MAP6: variants seen among roughly 807,000 people sequenced by gnomAD.
MAP6 encodes microtubule-associated protein 6.
A neutral mutation model predicts 42.4 loss-of-function variants in MAP6; 26 were observed. The ratio of observed to expected loss-of-function variants is 0.61; its 90% confidence interval spans 0.45 to 0.85. MAP6 has a LOEUF of 0.85. Ranked by LOEUF, MAP6 falls within the 40% of genes least tolerant of loss-of-function variation. The pLI is 0.00. For synonymous variants in MAP6, 418 were observed against 443.8 expected (o/e 0.94, Z 0.73); for missense variants, 966 against 1,099.0 (o/e 0.88, Z 1.71).
At chr11:75,646,564 G>T (rs1182854918) in intron 1 of MAP6, among the ~76,000 whole-genome samples, 1 of 151,340 alleles carries the variant, frequency 6.6e-6, no homozygotes, top group Admixed American at 6.6e-5. Context: ...CAGCACTCTG[G>T]GAGGCCGAGG....
intron 1 of MAP6, among the ~76,000 whole-genome samples, chr11:75,628,721 A>T (rs923937285): frequency 5.9e-5 from 9 of 152,250 alleles, no homozygotes; most frequent in African/African-American, 2.2e-4. Context: ...TGTACAAGTT[A>T]TGAGACCCAT....
At chr11:75,599,856 C>T (rs1385384726) in intron 3 of MAP6, among the ~76,000 whole-genome samples, 1 of 152,234 alleles carries the variant, frequency 6.6e-6, no homozygotes, top group Non-Finnish European at 1.5e-5. Flanking sequence ...GGTGTCCCCT[C>T]CTCTTTGAGC....
At chr11:75,650,746 C>G (rs184612616) in intron 1 of MAP6, among the ~76,000 whole-genome samples, 1 of 152,160 alleles carries the variant, frequency 6.6e-6, no homozygotes, top group Non-Finnish European at 1.5e-5. Flanking sequence ...CTTGAAATAA[C>G]TTTACCAAGG....
At chr11:75,600,237 G>A (rs1942643103) in intron 3 of MAP6, among the ~76,000 whole-genome samples, 1 of 152,038 alleles carries the variant, frequency 6.6e-6, no homozygotes, top group Non-Finnish European at 1.5e-5. Context: ...TCTGAGGGGG[G>A]GTATTAGTGT....
chr11:75,610,853 G>A (rs888725270), intron 1 of MAP6, among the ~76,000 whole-genome samples: 7 of 152,082 alleles, frequency 4.6e-5, no homozygotes, highest in African/African-American at 1.7e-4. Flanking sequence ...TGGCTGGGGG[G>A]CGGTAGTCCC....
At chr11:75,635,395 C>A (rs1943352332) in intron 1 of MAP6, among the ~76,000 whole-genome samples, 1 of 152,210 alleles carries the variant, frequency 6.6e-6, no homozygotes, top group African/African-American at 2.4e-5. Context: ...CTGGTGCTTA[C>A]AAAGTGTTCG....
intron 1 of MAP6, among the ~76,000 whole-genome samples, chr11:75,659,864 C>G (rs757592488): frequency 6.6e-6 from 1 of 152,206 alleles, no homozygotes; most frequent in Non-Finnish European, 1.5e-5. Context: ...ACTGGCTTGA[C>G]ATTTTTTTGA....
chr11:75,667,529 C>A lies in MAP6; in HGVS notation c.841G>T (p.Ala281Ser), dbSNP rs1390995260. Residue 281 changes from alanine to serine, a missense_variant, in exon 1 of 4, where the codon GCG (alanine) becomes TCG (serine). Ala to Ser is a moderately conservative substitution (Grantham distance 99). Transcript: ENST00000304771. The surrounding 1 kb of genome is among the most constrained non-coding windows in gnomAD (Gnocchi z 5.6). The part of the protein sequence containing the change: ...TGPEAGRGRA[A>S]ADALNRQIRE... ...ATTTGCCGGTTGAGGGCGTCCGCCG[C>A]GGCGCGCCCCCTGCCAGCCTCGGGG... The A allele has an allele frequency of 1.3e-6, 2 of 1,496,458 alleles. No individual in the cohort carries two copies. The highest frequency in any genetic ancestry group is 1.2e-5 in the South Asian group (1 of 80,444). 92.7% of individuals were successfully genotyped at this position (1,496,458 alleles called of 1,614,324 possible).
At chr11:75,666,670 G>C (rs1340585251) in intron 1 of MAP6, among the ~76,000 whole-genome samples, 1 of 152,154 alleles carries the variant, frequency 6.6e-6, no homozygotes, top group Non-Finnish European at 1.5e-5. Context: ...TCCTCACAAT[G>C]TCCGGCACAC....
intron 1 of MAP6, among the ~76,000 whole-genome samples, chr11:75,623,356 C>T (rs781449597): frequency 1.1e-4 from 17 of 152,130 alleles, no homozygotes; most frequent in Admixed American, 2.6e-4. Context: ...CTTTCAGAGA[C>T]GGCTGCACCA....
chr11:75,643,429 G>A (rs1263694080), intron 1 of MAP6, among the ~76,000 whole-genome samples: 1 of 152,046 alleles, frequency 6.6e-6, no homozygotes, highest in African/African-American at 2.4e-5. Flanking sequence ...CAGGGATCCT[G>A]GATTTTCTAG....
chr11:75,617,273 C>T (rs1350875266), intron 1 of MAP6, among the ~76,000 whole-genome samples: 6 of 152,110 alleles, frequency 3.9e-5, no homozygotes, highest in Non-Finnish European at 7.4e-5. Context: ...TCCCAGCACC[C>T]TGGGAGGCCA....
At chr11:75,596,871 C>T (rs1369826773) in intron 3 of MAP6, among the ~76,000 whole-genome samples, 1 of 152,134 alleles carries the variant, frequency 6.6e-6, no homozygotes, top group African/African-American at 2.4e-5. Context: ...AGTCATTGAA[C>T]GTTTCAGAGC....
Position 75,668,517 on chromosome 11 carries a change from C to A in MAP6, c.-148G>T. ...CAGCCGGAGCTAGTTCGCCCTCCTC[C>A]CTCAGCGAGCACCCGGGGAGAGCTG... On this transcript the variant is annotated 5_prime_UTR_variant, in exon 1 of 4. Coordinates refer to ENST00000304771, the MANE Select transcript of MAP6 (RefSeq NM_033063.2). 1.7e-6 allele frequency: 2 copies of A among 1,172,654 alleles called. No individual in the cohort carries two copies. Among genetic ancestry groups the A allele is most frequent in the Non-Finnish European group, 2.2e-6 (2 of 898,028 alleles). The allele number at this position is 1,172,654 out of a possible 1,614,324, so 72.6% of individuals were successfully genotyped here.
At chr11:75,631,967 C>G (rs550687034) in intron 1 of MAP6, among the ~76,000 whole-genome samples, 108 of 152,286 alleles carry the variant, frequency 7.1e-4, no homozygotes, top group South Asian at 1.2e-3. Flanking sequence ...ATTATCTCTG[C>G]GAGCCCCATA....
intron 1 of MAP6, among the ~76,000 whole-genome samples, chr11:75,640,294 A>G (rs995192544): frequency 1.3e-5 from 2 of 152,142 alleles, no homozygotes; most frequent in Non-Finnish European, 2.9e-5. Context: ...GATGTTTCAA[A>G]TATCACAAAT....
intron 1 of MAP6, among the ~76,000 whole-genome samples, chr11:75,647,347 C>CA: frequency 0.23 from 10,087 of 44,110 alleles, 1,079 homozygotes; most frequent in East Asian, 0.28. Flanking sequence ...CCCACCTGAT[C>CA]AAAAAAAAAA....
At chr11:75,614,263 G>A (rs1942958332) in intron 1 of MAP6, among the ~76,000 whole-genome samples, 1 of 152,068 alleles carries the variant, frequency 6.6e-6, no homozygotes, top group Non-Finnish European at 1.5e-5. Flanking sequence ...CCAGGGACGG[G>A]GTGTAAAGTT....
At chr11:75,658,234 TAA>T (rs1943784736) in intron 1 of MAP6, among the ~76,000 whole-genome samples, 1 of 152,216 alleles carries the variant, frequency 6.6e-6, no homozygotes, top group East Asian at 1.9e-4. Context: ...TAGATAATGC[TAA>T]AGAGTTTTAT....
Sources: gnomAD v4.1 joint callset for allele counts (sites outside exome capture counted in the v4.1 genomes callset) on GRCh38, gnomAD v4.1.1 for gene constraint, Gnocchi (gnomAD v3.1) non-coding constraint, MANE v1.5 for transcripts, NCBI Gene and HGNC (gene_info 2026-07-23, HGNC 2026-07-21) for gene names.